The following NDUFA10 variants were observed in gnomAD, a reference collection of about 807,000 sequenced individuals.
NDUFA10 encodes the protein NADH:ubiquinone oxidoreductase subunit A10, also known as NADH dehydrogenase [ubiquinone] 1 alpha subcomplex subunit 10, mitochondrial.
NDUFA10 carries 40 observed loss-of-function variants against 47.8 expected under a neutral mutation model. The observed-to-expected ratio is 0.84, with a 90% CI of 0.65 to 1.09. The LOEUF (loss-of-function observed/expected upper bound fraction) is 1.09. NDUFA10 is among the 50% of genes least tolerant of loss of function. The probability of loss-of-function intolerance (pLI) is 0.00; values close to 1 mark genes in which losing one functional copy is unlikely to be tolerated. For missense variants in NDUFA10, 413 were observed against 451.1 expected (o/e 0.92, Z 0.76); for synonymous variants, 183 against 172.2 (o/e 1.06, Z -0.49).
At chr2:239,954,293 T>C (rs1694610971), downstream of NDUFA10, among the ~76,000 whole-genome samples, 1 of 151,892 alleles carries the variant, frequency 6.6e-6, no homozygotes, top group African/African-American at 2.4e-5. Context: ...GGGTGCCACC[T>C]GCCAGGCCAG....
At position 239,960,918 on chromosome 2, in the gene NDUFA10, C is replaced by A; in HGVS notation, c.*200G>T. 2 of 1,475,780 alleles carry A rather than the reference C, an allele frequency of 1.4e-6. No individual in the cohort carries two copies. Among genetic ancestry groups the A allele is most frequent in the South Asian group, 1.3e-5 (1 of 75,698 alleles). The allele number at this position is 1,475,780 out of a possible 1,614,324, so 91.4% of individuals were successfully genotyped here. A position where few individuals can be genotyped will look rare whatever the true frequency, so the allele number is the denominator to read the frequency against. ...CAAAACAAAGCTAAAGGGTTCCAAA[C>A]ATCCAGAATGGAAGCTGCTTCCCCC... On this transcript the variant is annotated 3_prime_UTR_variant, in exon 10 of 10. Coordinates refer to ENST00000252711, the MANE Select transcript of NDUFA10 (RefSeq NM_004544.4).
At chr2:239,951,285 T>C (rs1055379472) in intron 4 of NDUFA10, among the ~76,000 whole-genome samples, 2 of 152,212 alleles carry the variant, frequency 1.3e-5, no homozygotes, top group Non-Finnish European at 1.5e-5. Flanking sequence ...GCTCCTGTGC[T>C]GCTGCCCTGG....
intron 9 of NDUFA10, among the ~76,000 whole-genome samples, chr2:239,968,089 C>A (rs867696488): frequency 6.6e-6 from 1 of 152,068 alleles, no homozygotes; most frequent in African/African-American, 2.4e-5. Context: ...ATGAACGAAG[C>A]CAGTCCTCTC....
chr2:239,935,127 C>T (rs755463637), intron 4 of NDUFA10, among the ~76,000 whole-genome samples: 7 of 152,192 alleles, frequency 4.6e-5, no homozygotes, highest in Non-Finnish European at 1.0e-4. Context: ...TGTCTCTCAG[C>T]GCTGGTTCCC....
At chr2:240,015,646 G>C (rs1276859004) in intron 4 of NDUFA10, among the ~76,000 whole-genome samples, 1 of 152,210 alleles carries the variant, frequency 6.6e-6, no homozygotes, top group Non-Finnish European at 1.5e-5. Context: ...CGCAGGGCCC[G>C]TGCCACCCAA....
intron 5 of NDUFA10, among the ~76,000 whole-genome samples, chr2:239,893,863 G>A (rs11896087): frequency 0.16 from 23,122 of 147,098 alleles, 1,779 homozygotes; most frequent in Admixed American, 0.22. Flanking sequence ...CCTGCCTCCC[G>A]TCCTCAGTTC....
At chr2:240,012,907 T>A (rs1697196171) in intron 5 of NDUFA10, 1 of 152,174 alleles carries the variant, frequency 6.6e-6, no homozygotes, top group Non-Finnish European at 1.5e-5. Context: ...ACAGGCGCCT[T>A]GCATATAGGA....
At chr2:239,969,966 A>G (rs999606766) in intron 9 of NDUFA10, among the ~76,000 whole-genome samples, 41 of 152,234 alleles carry the variant, frequency 2.7e-4, no homozygotes, top group Admixed American at 6.5e-5. Context: ...GGGAGGATAG[A>G]AAAAAATCTG....
At position 239,951,663 on chromosome 2, in the gene NDUFA10, G is replaced by A. The variant is rs970547750; in HGVS notation, c.294+38411C>T. Among the ~76,000 whole-genome samples, 5 of 152,146 alleles carry A rather than the reference G, an allele frequency of 3.3e-5. No homozygotes were observed. In the South Asian group the frequency reaches 1.0e-3, roughly 31 times the overall value. On this transcript the variant is annotated intron_variant, in intron 4 of 5. Transcript: ENST00000419408. ...AGAGTCAGGCATCTTTAAAAAACAG[G>A]GTCTAGGAAGACTCTAATGGCAAGT...
chr2:239,951,226 A>G (rs1286993519), intron 4 of NDUFA10, among the ~76,000 whole-genome samples: 2 of 152,102 alleles, frequency 1.3e-5, no homozygotes, highest in Non-Finnish European at 2.9e-5. Context: ...CAGCGATGGG[A>G]CCCGGGGTGC....
chr2:239,969,751 T>C (rs1200902594), intron 9 of NDUFA10: 1 of 471,432 alleles, frequency 2.1e-6, no homozygotes, highest in South Asian at 1.5e-5. Flanking sequence ...TGGCTTCTGA[T>C]TCTTGGAAGA....
chr2:239,933,911 G>A (rs1396741125), intron 4 of NDUFA10, among the ~76,000 whole-genome samples: 2 of 152,184 alleles, frequency 1.3e-5, no homozygotes, highest in African/African-American at 4.8e-5. Flanking sequence ...AGGCTGGAGT[G>A]GAGTGACACG....
intron 4 of NDUFA10, among the ~76,000 whole-genome samples, chr2:239,935,801 G>C (rs953668873): frequency 5.3e-5 from 8 of 152,200 alleles, no homozygotes; most frequent in South Asian, 2.1e-4. Context: ...CGCCATGTAA[G>C]ACATGCCTTT....
chr2:239,955,919 C>A (rs1405473224), downstream of NDUFA10, among the ~76,000 whole-genome samples: 1 of 152,140 alleles, frequency 6.6e-6, no homozygotes, highest in African/African-American at 2.4e-5. Flanking sequence ...GAGTCAGAGA[C>A]GGCGCAGGCT....
chr2:240,004,521 A>AT (rs1696863219), intron 8 of NDUFA10, among the ~76,000 whole-genome samples: 1 of 144,746 alleles, frequency 6.9e-6, no homozygotes, highest in African/African-American at 2.6e-5. Context: ...TCCTAGTCCT[A>AT]CCCCCTTCTG....
At chr2:239,925,642 CG>C (rs1559286671) in intron 4 of NDUFA10, among the ~76,000 whole-genome samples, 1 of 152,102 alleles carries the variant, frequency 6.6e-6, no homozygotes, top group African/African-American at 2.4e-5. Context: ...AGACTTGACT[CG>C]TAAAGTATTA....
intron 4 of NDUFA10, among the ~76,000 whole-genome samples, chr2:239,929,716 GGCCCTGCTTCTCCACCA>G (rs1383316432): frequency 9.3e-5 from 13 of 139,172 alleles, no homozygotes; most frequent in African/African-American, 2.6e-4. Context: ...CTCCTCCGCC[GGCCCTGCTTCTCCACCA>G]GCCCTGCTTC....
At chr2:239,918,585 C>T (rs1176156859) in intron 4 of NDUFA10, among the ~76,000 whole-genome samples, 1 of 152,216 alleles carries the variant, frequency 6.6e-6, no homozygotes, top group African/African-American at 2.4e-5. Flanking sequence ...GTTCCCTCCC[C>T]TCCTGCAGTG....
rs562545911 is a variant in NDUFA10 at position 239,983,783 on chromosome 2, A to G, written c.999+6291T>C. ...ACAAAATACCTCACCAGCACTCCTT[A>G]TTAAAAACAAAGTCTGAGAAAATGT... On this transcript the variant is annotated intron_variant, in intron 9 of 9. Coordinates refer to ENST00000252711, the MANE Select transcript of NDUFA10 (RefSeq NM_004544.4). 2.2e-5 allele frequency: 34 copies of G among 1,518,414 alleles called. No individual in the cohort carries two copies. In the African/African-American group the frequency reaches 3.9e-4, roughly 17 times the overall value. The allele number at this position is 1,518,414 out of a possible 1,614,324, so 94.1% of individuals were successfully genotyped here.
Sources: allele counts gnomAD v4.1 joint callset (sites outside exome capture counted in the v4.1 genomes callset), GRCh38; gene constraint gnomAD v4.1.1; transcripts MANE v1.5; gene names NCBI Gene and HGNC (gene_info 2026-07-23, HGNC 2026-07-21).